LRP1B: variants seen among roughly 807,000 people sequenced by gnomAD.
LRP1B encodes low-density lipoprotein receptor-related protein 1B.
Under a neutral mutation model 556.6 loss-of-function variants are expected in LRP1B, and 217 were observed. That is an observed-to-expected ratio of 0.39 (90% CI 0.35 to 0.44). The LOEUF is 0.44. LRP1B is among the 20% of genes least tolerant of loss of function. The pLI is 1.00. For synonymous variants in LRP1B, 2,047 were observed against 1,865.8 expected, an observed-to-expected ratio of 1.10 and a Z score of -2.50; for missense variants, 5,053 against 5,620.8, an observed-to-expected ratio of 0.90 and a Z score of 3.23.
intron 3 of LRP1B, among the ~76,000 whole-genome samples, chr2:141,344,175 TGTCCCCTTGGCTGGAATAGAAAGCCTGA>T (rs1476769043): frequency 6.6e-6 from 1 of 152,182 alleles, no homozygotes; most frequent in Non-Finnish European, 1.5e-5. Flanking sequence ...ATCTCTGTCA[TGTCCCCTTGGCTGGAATAGAAAGCCTGA>T]TTGAAATTTA....
At chr2:140,874,230 G>T (rs745727684) in intron 25 of LRP1B, among the ~76,000 whole-genome samples, 3 of 152,124 alleles carry the variant, frequency 2.0e-5, no homozygotes, top group Non-Finnish European at 4.4e-5. Flanking sequence ...TAATTGGTTA[G>T]AACAGTGACA....
intron 3 of LRP1B, among the ~76,000 whole-genome samples, chr2:141,324,738 A>T (rs894881534): frequency 7.9e-5 from 12 of 152,130 alleles, no homozygotes; most frequent in African/African-American, 2.7e-4. Context: ...GAAAGTCTGT[A>T]TAAGGAAATC....
chr2:141,837,424 C>G (rs1322719212), intron 1 of LRP1B, among the ~76,000 whole-genome samples: 2 of 151,802 alleles, frequency 1.3e-5, no homozygotes, highest in Non-Finnish European at 1.5e-5. Flanking sequence ...TCTATAAATC[C>G]TGGGAAGCAT....
chr2:141,175,212 C>T (rs1028596877), intron 7 of LRP1B, among the ~76,000 whole-genome samples: 2 of 152,102 alleles, frequency 1.3e-5, no homozygotes, highest in African/African-American at 4.8e-5. Context: ...AATTTACAGC[C>T]TGGGCATGTG....
intron 3 of LRP1B, among the ~76,000 whole-genome samples, chr2:141,311,094 TC>T (rs1686797341): frequency 6.6e-6 from 1 of 152,172 alleles, no homozygotes; most frequent in Non-Finnish European, 1.5e-5. Context: ...ATATAGGAAT[TC>T]TTGGCTCTAA....
At chr2:142,089,686 T>C (rs1247927429) in intron 1 of LRP1B, among the ~76,000 whole-genome samples, 1 of 152,174 alleles carries the variant, frequency 6.6e-6, no homozygotes, top group Admixed American at 6.5e-5. Context: ...AGCAGGAGAT[T>C]AGTTGTCACT....
intron 2 of LRP1B, among the ~76,000 whole-genome samples, chr2:141,647,371 C>T (rs891751766): frequency 1.3e-5 from 2 of 152,130 alleles, no homozygotes; most frequent in African/African-American, 4.8e-5. Context: ...CGTTTTCCAC[C>T]AGGAGAAATT....
At chr2:141,635,047 A>AACACACAC (rs3221098) in intron 2 of LRP1B, among the ~76,000 whole-genome samples, 7,653 of 149,932 alleles carry the variant, frequency 0.051, 431 homozygotes, top group African/African-American at 0.14. Context: ...ACTATAGTGA[A>AACACACAC]ACACACACAC....
chr2:140,464,389 T>C (rs116712411), intron 60 of LRP1B, among the ~76,000 whole-genome samples: 1,815 of 152,232 alleles, frequency 0.012, 30 homozygotes, highest in African/African-American at 0.042. Context: ...AGATTTAACA[T>C]CATTTAATCT....
At chr2:141,629,743 T>C (rs1207855501) in intron 2 of LRP1B, among the ~76,000 whole-genome samples, 1 of 152,162 alleles carries the variant, frequency 6.6e-6, no homozygotes, top group Non-Finnish European at 1.5e-5. Flanking sequence ...TTTTGGGAAT[T>C]GGACTTCACA....
At chr2:141,551,431 T>C (rs2105230256) in intron 2 of LRP1B, among the ~76,000 whole-genome samples, 1 of 152,176 alleles carries the variant, frequency 6.6e-6, no homozygotes, top group East Asian at 1.9e-4. Flanking sequence ...ATTATAGAAA[T>C]TAATAAATGC....
At chr2:141,776,743 G>T (rs1262370952) in intron 2 of LRP1B, among the ~76,000 whole-genome samples, 4 of 152,190 alleles carry the variant, frequency 2.6e-5, no homozygotes, top group African/African-American at 9.6e-5. Flanking sequence ...ATGGTAAGAA[G>T]ATTAAATGAG....
At chr2:140,304,073 C>G (rs946695513) in intron 83 of LRP1B, among the ~76,000 whole-genome samples, 2 of 152,040 alleles carry the variant, frequency 1.3e-5, no homozygotes, top group Admixed American at 6.6e-5. Flanking sequence ...TGGACATTTG[C>G]GTTGGTTCCA....
intron 35 of LRP1B, among the ~76,000 whole-genome samples, chr2:140,747,400 TTC>T (rs1688353900): frequency 6.6e-6 from 1 of 152,178 alleles, no homozygotes; most frequent in Admixed American, 6.5e-5. Context: ...GCTGAACTTT[TTC>T]ACATGTCAGT....
chr2:141,856,594 G>T, intron 1 of LRP1B, among the ~76,000 whole-genome samples: 1 of 152,206 alleles, frequency 6.6e-6, no homozygotes, highest in Non-Finnish European at 1.5e-5. Flanking sequence ...AACTATTTTT[G>T]TGACTATTCA....
At chr2:140,413,557 A>C (rs940729765) in intron 66 of LRP1B, among the ~76,000 whole-genome samples, 3 of 152,232 alleles carry the variant, frequency 2.0e-5, no homozygotes, top group Non-Finnish European at 4.4e-5. Flanking sequence ...AACTAAAAAC[A>C]TTTAAACAAG....
In LRP1B at chr2:140,324,106, T is replaced by C. The variant is rs763766939; in HGVS notation, c.12341-40A>G. The C allele has an allele frequency of 8.4e-5, 107 of 1,277,390 alleles. 1 individual carries two copies. In the East Asian group the frequency reaches 2.2e-3, roughly 26 times the overall value. 79.1% of individuals were successfully genotyped at this position (1,277,390 alleles called of 1,614,324 possible). ...AGGCAGTTATGAAAGTTTTAATGTATATACTCAGACTTTAAAAACTATGTT... is the reference window on the plus strand; with the variant it reads ...AGGCAGTTATGAAAGTTTTAATGTACATACTCAGACTTTAAAAACTATGTT... On this transcript the variant is annotated intron_variant, in intron 80 of 90. Transcript: ENST00000389484.
At chr2:140,881,277 C>CGT (rs1693466587) in intron 25 of LRP1B, among the ~76,000 whole-genome samples, 1 of 101,404 alleles carries the variant, frequency 9.9e-6, no homozygotes, top group Admixed American at 1.0e-4. Flanking sequence ...TGTGTGTGTG[C>CGT]GTGTGTGTCT....
chr2:141,938,963 G>A (rs996429376), intron 1 of LRP1B, among the ~76,000 whole-genome samples: 1 of 152,006 alleles, frequency 6.6e-6, no homozygotes, highest in Non-Finnish European at 1.5e-5. Flanking sequence ...CACAGAAATA[G>A]AGTGTTGAAC....
Sources: gnomAD v4.1 joint callset for allele counts (sites outside exome capture counted in the v4.1 genomes callset) on GRCh38, gnomAD v4.1.1 for gene constraint, MANE v1.5 for transcripts, NCBI Gene and HGNC (gene_info 2026-07-23, HGNC 2026-07-21) for gene names.